Variants in ZNF35 observed in about 807,000 individuals in gnomAD.
The protein encoded by ZNF35 is zinc finger protein 35 (clone HF.10).
A neutral mutation model predicts 45.9 loss-of-function variants in ZNF35; 31 were observed. The ratio of observed to expected loss-of-function variants is 0.68; its 90% CI spans 0.51 to 0.91. The LOEUF (loss-of-function observed/expected upper bound fraction) is 0.91, where lower values mean the gene tolerates loss of function less well. Among genes scored for constraint, ZNF35 ranks in the 40% least tolerant of loss-of-function variants. The probability of loss-of-function intolerance (pLI) is 0.00; values close to 1 mark genes in which losing one functional copy is unlikely to be tolerated. For missense variants in ZNF35, 515 were observed against 625.4 expected, an observed-to-expected ratio of 0.82 and a Z score of 1.88; for synonymous variants, 205 against 220.2, an observed-to-expected ratio of 0.93 and a Z score of 0.61.
intron 1 of ZNF35, 28 bp from the exon 2 acceptor site, chr3:44,650,913 G>T: frequency 1.3e-6 from 1 of 745,802 alleles, no homozygotes; most frequent in Non-Finnish European, 2.1e-6. Flanking sequence ...TCTCTCCTTG[G>T]TGCTAACAGT....
chr3:44,658,064 A>T (rs1053500185), intron 3 of ZNF35, among the ~76,000 whole-genome samples: 5 of 152,146 alleles, frequency 3.3e-5, no homozygotes, highest in Non-Finnish European at 7.3e-5. Context: ...GAGATTTGAA[A>T]CCAGGCAGTC....
Position 44,658,770 on chromosome 3 carries a change from T to A in ZNF35, c.407T>A (p.Leu136His). Residue 136 changes from leucine (L) to histidine (H), a missense_variant, in exon 4 of 4, where the codon CTC becomes CAC. Coordinates refer to ENST00000396056, the MANE Select transcript of ZNF35 (RefSeq NM_003420.4). ...ATATGTGAGGAAGCTGAAAAACCCCTCATCATATCAGAAAGAATCCAGAAA... is the reference window on the plus strand; with the variant it reads ...ATATGTGAGGAAGCTGAAAAACCCCACATCATATCAGAAAGAATCCAGAAA... ...TEICEEAEKP[L>H]IISERIQKAD... The A allele has an allele frequency of 6.2e-7, 1 of 1,602,344 alleles. No homozygotes were observed. Among genetic ancestry groups the A allele is most frequent in the Non-Finnish European group, 8.5e-7 (1 of 1,177,416 alleles).
At chr3:44,646,615 AAG>A (rs1029344105), upstream of ZNF35, 47 of 785,190 alleles carry the variant, frequency 6.0e-5, no homozygotes, top group Middle Eastern at 4.5e-4. Context: ...TATGATGAAA[AAG>A]AGAGGGGAGT....
chr3:44,653,094 C>T (rs1017423456), intron 3 of ZNF35, among the ~76,000 whole-genome samples: 2 of 152,190 alleles, frequency 1.3e-5, no homozygotes, highest in African/African-American at 2.4e-5. Flanking sequence ...ACAGGCTGGA[C>T]AGGAGAGCTG....
At chr3:44,652,528 C>A (rs1471155616) in intron 2 of ZNF35, 29 bp from the exon 3 acceptor site, 12 of 1,532,716 alleles carry the variant, frequency 7.8e-6, no homozygotes, top group African/African-American at 1.4e-5. Flanking sequence ...CACCAGTTCC[C>A]TCTTAAACAT....
chr3:44,647,981 A>C (rs1703057708), upstream of ZNF35: 1 of 152,174 alleles, frequency 6.6e-6, no homozygotes, highest in African/African-American at 2.4e-5. Flanking sequence ...GTAAGATGTA[A>C]CCATGAGGGG....
At position 44,659,612 on chromosome 3, in the gene ZNF35, C is replaced by G; in HGVS notation, c.1249C>G (p.Pro417Ala). 1.2e-6 allele frequency: 2 copies of G among 1,614,028 alleles called. No individual in the cohort carries two copies. The highest frequency in any genetic ancestry group is 2.2e-5 in the South Asian group (2 of 91,062). Residue 417 changes from proline (P) to alanine (A), a missense_variant, in exon 4 of 4, where the codon CCT (proline) becomes GCT (alanine). Coordinates refer to ENST00000396056, the MANE Select transcript of ZNF35 (RefSeq NM_003420.4). This position sits in a 1 kb window ranked among gnomAD's most constrained non-coding sequence, Gnocchi z 4.3. ...CCAGAGAATTCACACTGCAGAGAAA[C>G]CTTACGACTGCAGCGAATGTGGGAA... is the stretch of plus-strand genomic sequence containing the variant. ...VHQRIHTAEK[P>A]YDCSECGKAF...
chr3:44,656,333 A>G (rs1445341235), intron 3 of ZNF35, among the ~76,000 whole-genome samples: 1 of 152,220 alleles, frequency 6.6e-6, no homozygotes, highest in Non-Finnish European at 1.5e-5. Context: ...ACATTTTTAA[A>G]AAGAGGGAGC....
At chr3:44,650,689 A>G (rs928964324) in intron 1 of ZNF35, among the ~76,000 whole-genome samples, 1 of 152,222 alleles carries the variant, frequency 6.6e-6, no homozygotes, top group African/African-American at 2.4e-5. Context: ...CAATAAAAGT[A>G]AGTTAACTTT....
chr3:44,652,999 A>G lies in ZNF35; in HGVS notation c.337+298A>G, dbSNP rs552943387. ...AAGAGACCCAGAGCCAGCAAACAACATAGAATTTTACTAGGTGTTTATGTA... is the reference window on the plus strand; with the variant it reads ...AAGAGACCCAGAGCCAGCAAACAACGTAGAATTTTACTAGGTGTTTATGTA... On this transcript the variant is annotated intron_variant, in intron 3 of 3. Coordinates refer to ENST00000396056, the MANE Select transcript of ZNF35 (RefSeq NM_003420.4). Among the ~76,000 whole-genome samples, 10 of 152,346 alleles carry G rather than the reference A, an allele frequency of 6.6e-5. No homozygotes were observed. In the South Asian group the frequency reaches 2.1e-3, roughly 32 times the overall value.
In ZNF35 at chr3:44,659,827, C is replaced by A; in HGVS notation, c.1464C>A (p.Ser488Arg). Residue 488 changes from serine (S) to arginine (R), a missense_variant, in exon 4 of 4, where the codon AGC becomes AGA. Coordinates refer to ENST00000396056, the MANE Select transcript of ZNF35 (RefSeq NM_003420.4). This position sits in a 1 kb window ranked among gnomAD's most constrained non-coding sequence, Gnocchi z 4.3. ...GGAAGGCCTTCAGACAGAGGTCGAG[C>A]CTCACCGTGCACCAGAGAACCCACA... Reference protein sequence around the residue: ...ECGKAFRQRSSLTVHQRTHTG... With the variant: ...ECGKAFRQRSRLTVHQRTHTG... The A allele has an allele frequency of 6.2e-7, 1 of 1,613,968 alleles. No homozygotes were observed. The highest frequency in any genetic ancestry group is 1.1e-5 in the South Asian group (1 of 91,054).
In ZNF35 at chr3:44,652,649, G is replaced by A. The variant is rs747431214; in HGVS notation, c.285G>A (p.Gly95=). Residue 95 remains glycine (G), a synonymous_variant, in exon 3 of 4, where the codon GGG becomes GGA. Coordinates refer to ENST00000396056, the MANE Select transcript of ZNF35 (RefSeq NM_003420.4). ...ASTLGSYSLP[G]TLAKSEILET... ...CCCTTGGCAGCTACTCATTACCAGGGACTCTGGCCAAGAGTGAGATACTGG... is the reference window on the plus strand; with the variant it reads ...CCCTTGGCAGCTACTCATTACCAGGAACTCTGGCCAAGAGTGAGATACTGG... 2.5e-6 allele frequency: 4 copies of A among 1,611,248 alleles called. No homozygotes were observed. The highest frequency in any genetic ancestry group is 1.7e-4 in the Middle Eastern group (1 of 6,032).
intron 3 of ZNF35, among the ~76,000 whole-genome samples, chr3:44,655,595 A>G (rs1703285713): frequency 6.6e-6 from 1 of 152,246 alleles, no homozygotes; most frequent in African/African-American, 2.4e-5. Flanking sequence ...ACCATTTCAA[A>G]TAAGCCAAGG....
At chr3:44,652,256 A>G (rs1314653186) in intron 2 of ZNF35, among the ~76,000 whole-genome samples, 1 of 152,160 alleles carries the variant, frequency 6.6e-6, no homozygotes, top group Non-Finnish European at 1.5e-5. Flanking sequence ...ATCCCACAAA[A>G]GTTCACTCTG....
Position 44,660,113 on chromosome 3 carries a change from C to A in ZNF35, c.*166C>A. On this transcript the variant is annotated 3_prime_UTR_variant, in exon 4 of 4. Coordinates refer to ENST00000396056, the MANE Select transcript of ZNF35 (RefSeq NM_003420.4). ...AGACACAAGAAAAGCATTTCAGAGGCTAATTTAAAACAAAAAGTAAGCACC... is the reference window on the plus strand; with the variant it reads ...AGACACAAGAAAAGCATTTCAGAGGATAATTTAAAACAAAAAGTAAGCACC... 2 of 712,328 alleles carry A rather than the reference C, an allele frequency of 2.8e-6. No individual in the cohort carries two copies. The highest frequency in any genetic ancestry group is 1.8e-5 in the African/African-American group (1 of 56,218). The allele number at this position is 712,328 out of a possible 1,614,324, so 44.1% of individuals were successfully genotyped here.
chr3:44,654,803 A>G (rs1703268107), intron 3 of ZNF35, among the ~76,000 whole-genome samples: 1 of 152,158 alleles, frequency 6.6e-6, no homozygotes. Flanking sequence ...TCTTTAACTT[A>G]TGTTCAGTTA....
chr3:44,651,106 A>G lies in ZNF35; in HGVS notation c.39A>G (p.Pro13=), dbSNP rs771420126. 1.1e-5 allele frequency: 18 copies of G among 1,614,006 alleles called. 1 individual carries two copies. The Admixed American group carries it at 1.5e-4, about 13-fold the overall frequency. The change falls in exon 2 of 4, where the codon CCA becomes CCG. Residue 13 remains proline (P), a synonymous_variant. Transcript: ENST00000396056. ...TGAGAGAAGCCATGGCCCTAGCCCC[A>G]TGGGGCCCAGTGAAGGTGAAAAAGG... is the stretch of plus-strand genomic sequence containing the variant. ...AELREAMALA[P]WGPVKVKKEE...
In ZNF35 at chr3:44,652,536, C is replaced by T. The variant is rs1398417727; in HGVS notation, c.193-21C>T. 1.9e-6 allele frequency: 3 copies of T among 1,544,742 alleles called. 1 individual carries two copies. The highest frequency in any genetic ancestry group is 2.5e-5 in the South Asian group (2 of 79,666). ...CCCCTACCACCAGTTCCCTCTTAAA[C>T]ATGTGCCTGCTTGTCTCTAGGGTCA... On this transcript the variant is annotated intron_variant, in intron 2 of 3. Transcript: ENST00000396056.
intron 2 of ZNF35, 86 bp downstream of exon 2, chr3:44,651,345 C>T (rs772413985): frequency 3.6e-5 from 46 of 1,280,532 alleles, no homozygotes; most frequent in Non-Finnish European, 4.6e-5. Flanking sequence ...TCTGCTTCCA[C>T]ACCTGGAGTC....
Sources: gnomAD v4.1 joint callset for allele counts (sites outside exome capture counted in the v4.1 genomes callset) on GRCh38, gnomAD v4.1.1 for gene constraint, Gnocchi (gnomAD v3.1) non-coding constraint, MANE v1.5 for transcripts, NCBI Gene and HGNC (gene_info 2026-07-23, HGNC 2026-07-21) for gene names.